TDRD7: variants seen among roughly 807,000 people sequenced by gnomAD.
TDRD7 encodes the protein tudor domain containing 7.
Under a neutral mutation model 109.8 loss-of-function variants are expected in TDRD7, and 47 were observed. The observed-to-expected ratio is 0.43, with a 90% CI of 0.34 to 0.55. The LOEUF is 0.55. Among genes scored for constraint, TDRD7 ranks in the 20% least tolerant of loss-of-function variants. The pLI is 0.03. For synonymous variants in TDRD7, 424 were observed against 457.3 expected, an observed-to-expected ratio of 0.93 and a Z score of 0.93; for missense variants, 1,164 against 1,319.2, an observed-to-expected ratio of 0.88 and a Z score of 1.82.
chr9:97,449,526 C>T (rs117388281), intron 6 of TDRD7, among the ~76,000 whole-genome samples: 2,303 of 152,318 alleles, frequency 0.015, 29 homozygotes, highest in Middle Eastern at 0.027. Context: ...AAGGATATTA[C>T]AGAGGATACA....
chr9:97,449,476 C>A (rs143832581), intron 6 of TDRD7, among the ~76,000 whole-genome samples: 138 of 152,214 alleles, frequency 9.1e-4, no homozygotes, highest in African/African-American at 3.1e-3. Flanking sequence ...GAGTGGCTCG[C>A]AGAACTCAGG....
intron 13 of TDRD7, among the ~76,000 whole-genome samples, chr9:97,479,155 G>T (rs974619087): frequency 1.3e-5 from 2 of 152,006 alleles, no homozygotes; most frequent in African/African-American, 4.8e-5. Flanking sequence ...AAACAATGCG[G>T]TATTCTACAA....
At chr9:97,487,550 CCTT>C (rs773994112) in intron 16 of TDRD7, among the ~76,000 whole-genome samples, 8 of 151,914 alleles carry the variant, frequency 5.3e-5, no homozygotes, top group Admixed American at 4.6e-4. Flanking sequence ...TTTCTCTACT[CCTT>C]CTGTCTCTGG....
At chr9:97,421,003 T>C (rs60023110) in intron 1 of TDRD7, among the ~76,000 whole-genome samples, 11,111 of 151,880 alleles carry the variant, frequency 0.073, 648 homozygotes, top group African/African-American at 0.17. Context: ...GGCGAGGTGG[T>C]GTGTGCCTGT....
chr9:97,442,381 A>G (rs1828321860), intron 6 of TDRD7, among the ~76,000 whole-genome samples: 1 of 152,142 alleles, frequency 6.6e-6, no homozygotes, highest in African/African-American at 2.4e-5. Flanking sequence ...TTTACAAGCT[A>G]TCTTTAGAGA....
intron 6 of TDRD7, among the ~76,000 whole-genome samples, chr9:97,451,050 A>G (rs1046759373): frequency 3.9e-5 from 6 of 152,078 alleles, no homozygotes; most frequent in African/African-American, 1.4e-4. Flanking sequence ...TAGAGGGCCT[A>G]AAGATTAGGT....
chr9:97,451,103 A>G (rs1828482900), intron 6 of TDRD7, among the ~76,000 whole-genome samples: 1 of 152,082 alleles, frequency 6.6e-6, no homozygotes, highest in Non-Finnish European at 1.5e-5. Context: ...TGCCTGCGGA[A>G]TGATGCCTCC....
intron 13 of TDRD7, among the ~76,000 whole-genome samples, chr9:97,479,488 C>T (rs557365611): frequency 2.6e-5 from 4 of 152,166 alleles, no homozygotes; most frequent in Admixed American, 1.3e-4. Flanking sequence ...TCTGTCCCAC[C>T]GCTGTGATTG....
intron 1 of TDRD7, among the ~76,000 whole-genome samples, chr9:97,423,918 A>G (rs1242238620): frequency 2.0e-5 from 3 of 152,150 alleles, no homozygotes; most frequent in African/African-American, 7.2e-5. Flanking sequence ...TTTAAGTCCA[A>G]GAATATATTT....
At chr9:97,454,402 A>T (rs1445962418) in intron 6 of TDRD7, among the ~76,000 whole-genome samples, 2 of 152,168 alleles carry the variant, frequency 1.3e-5, no homozygotes, top group Non-Finnish European at 2.9e-5. Context: ...AATGGCGTGC[A>T]CCAGGGAGGC....
intron 16 of TDRD7, among the ~76,000 whole-genome samples, chr9:97,489,264 G>A (rs1285461746): frequency 6.6e-6 from 1 of 152,086 alleles, no homozygotes; most frequent in Non-Finnish European, 1.5e-5. Flanking sequence ...CTATCAGAGT[G>A]GATTTTTTTC....
chr9:97,481,640 T>C (rs1829118242), intron 14 of TDRD7, among the ~76,000 whole-genome samples: 1 of 152,246 alleles, frequency 6.6e-6, no homozygotes, highest in Admixed American at 6.5e-5. Flanking sequence ...TGTATTCCTC[T>C]GGGGTTTATA....
rs190154773 is a variant in TDRD7 at position 97,420,135 on chromosome 9, A to G, written c.-7+7897A>G. Among the ~76,000 whole-genome samples, 275 of 152,328 alleles carry G rather than the reference A, an allele frequency of 1.8e-3. 1 individual carries two copies. The highest frequency in any genetic ancestry group is 3.6e-3 in the Non-Finnish European group (243 of 68,018). On this transcript the variant is annotated intron_variant, in intron 1 of 16. Transcript: ENST00000355295. ...GGATGCAACCCAAATGTGTATCAACATTTGAATTGATAAACAAATTGTAGT... is the reference window on the plus strand; with the variant it reads ...GGATGCAACCCAAATGTGTATCAACGTTTGAATTGATAAACAAATTGTAGT...
At chr9:97,458,845 T>C (rs1828663038) in intron 6 of TDRD7, among the ~76,000 whole-genome samples, 1 of 152,236 alleles carries the variant, frequency 6.6e-6, no homozygotes, top group Non-Finnish European at 1.5e-5. Flanking sequence ...GATAACAAGA[T>C]AGCGCCTTCT....
chr9:97,484,490 A>C (rs35870637), intron 15 of TDRD7, among the ~76,000 whole-genome samples: 36,978 of 149,114 alleles, frequency 0.25, 4,590 homozygotes, highest in Middle Eastern at 0.28. Context: ...ACACACACAC[A>C]CACCCCAAAA....
At chr9:97,446,367 T>C (rs1301509895) in intron 6 of TDRD7, among the ~76,000 whole-genome samples, 2 of 152,122 alleles carry the variant, frequency 1.3e-5, no homozygotes, top group African/African-American at 4.8e-5. Context: ...AACCAGCAGG[T>C]AGCTGGGAAA....
chr9:97,459,427 T>G (rs1828671412), intron 6 of TDRD7, among the ~76,000 whole-genome samples: 1 of 152,216 alleles, frequency 6.6e-6, no homozygotes, highest in Non-Finnish European at 1.5e-5. Flanking sequence ...GCTCTAGTAG[T>G]AGAGCTGACC....
chr9:97,450,259 C>G (rs1255677288), intron 6 of TDRD7, among the ~76,000 whole-genome samples: 1 of 151,970 alleles, frequency 6.6e-6, no homozygotes, highest in Non-Finnish European at 1.5e-5. Flanking sequence ...CATTCAGAAC[C>G]AAAGAGAAAA....
intron 11 of TDRD7, among the ~76,000 whole-genome samples, chr9:97,474,477 T>C (rs1365921141): frequency 1.3e-5 from 2 of 152,214 alleles, no homozygotes; most frequent in African/African-American, 4.8e-5. Context: ...AGACTGTGCC[T>C]TACCAATTTT....
Sources: gnomAD v4.1 joint callset for allele counts (sites outside exome capture counted in the v4.1 genomes callset) on GRCh38, gnomAD v4.1.1 for gene constraint, MANE v1.5 for transcripts, NCBI Gene and HGNC (gene_info 2026-07-23, HGNC 2026-07-21) for gene names.